FAT4: variants seen among roughly 807,000 people sequenced by gnomAD.
The protein encoded by FAT4 is FAT atypical cadherin 4, also known as protocadherin Fat 4.
A neutral mutation model predicts 303.9 loss-of-function variants in FAT4; 84 were observed. The observed-to-expected ratio is 0.28, with a 90% CI of 0.23 to 0.33. FAT4 has a LOEUF of 0.33. Ranked by LOEUF, FAT4 falls within the 10% of genes least tolerant of loss-of-function variation. FAT4 has a pLI of 1.00. For synonymous variants in FAT4, 2,307 were observed against 2,298.8 expected (o/e 1.00, Z -0.10); for missense variants, 6,005 against 6,146.8 (o/e 0.98, Z 0.77).
rs1442208144 is a variant in FAT4 at position 125,317,823 on chromosome 4, A to G, written c.1412A>G (p.His471Arg). Residue 471 changes from histidine to arginine, a missense_variant, in exon 2 of 18, where the codon CAT (histidine) becomes CGT (arginine). Coordinates refer to ENST00000394329, the MANE Select transcript of FAT4 (RefSeq NM_001291303.3). The surrounding 1 kb of genome is among the most constrained non-coding windows in gnomAD (Gnocchi z 7.0). ...LVIFVNDIND[H>R]PPVFSQQVYR... ...ATTTTTGTTAATGACATCAATGACC[A>G]TCCTCCTGTCTTTTCACAGCAAGTG... The G allele has an allele frequency of 1.2e-6, 2 of 1,614,052 alleles. No individual in the cohort carries two copies. The highest frequency in any genetic ancestry group is 2.7e-5 in the African/African-American group (2 of 74,922).
At chr4:125,362,239 TC>T (rs1404610978) in intron 2 of FAT4, among the ~76,000 whole-genome samples, 2 of 152,144 alleles carry the variant, frequency 1.3e-5, no homozygotes, top group East Asian at 1.9e-4. Flanking sequence ...CATTTTTTTT[TC>T]CTTTCTCAAC....
intron 2 of FAT4, among the ~76,000 whole-genome samples, chr4:125,323,049 C>T: frequency 6.6e-6 from 1 of 152,134 alleles, no homozygotes; most frequent in East Asian, 1.9e-4. Context: ...AATCCTCTCT[C>T]TAACTTTCTT....
At chr4:125,352,780 A>G (rs925697776) in intron 2 of FAT4, among the ~76,000 whole-genome samples, 14 of 151,748 alleles carry the variant, frequency 9.2e-5, no homozygotes, top group African/African-American at 3.4e-4. Flanking sequence ...AAATGAAACT[A>G]GGGCTTTCTT....
At chr4:125,423,665 T>C (rs549405398) in intron 7 of FAT4, among the ~76,000 whole-genome samples, 22 of 152,324 alleles carry the variant, frequency 1.4e-4, no homozygotes, top group Admixed American at 5.2e-4. Context: ...GAATGGTAGC[T>C]CCACTGACAA....
intron 2 of FAT4, among the ~76,000 whole-genome samples, chr4:125,328,568 A>G (rs1578526393): frequency 6.6e-6 from 1 of 152,296 alleles, no homozygotes; most frequent in Non-Finnish European, 1.5e-5. Context: ...GGCAGGTGGG[A>G]GCAAGTGGCA....
rs1250619742 is a variant in FAT4, at chr4:125,315,136, C to A, written c.-854C>A. On this transcript the variant is annotated 5_prime_UTR_variant, in exon 1 of 18. Transcript: ENST00000394329. Reference sequence around the variant, plus strand: ...AAGGGGCGGGGAGAGTGTGAGGGACCAGGCGGGAGGTGGAGAAGGGCTCGC... The same window carrying A: ...AAGGGGCGGGGAGAGTGTGAGGGACAAGGCGGGAGGTGGAGAAGGGCTCGC... Among the ~76,000 whole-genome samples the A allele has an allele frequency of 2.0e-5, 3 of 151,786 alleles. No homozygotes were observed. Among genetic ancestry groups the A allele is most frequent in the Non-Finnish European group, 2.9e-5 (2 of 67,924 alleles).
intron 10 of FAT4, 87 bp downstream of exon 10, chr4:125,452,897 T>A: frequency 6.9e-7 from 1 of 1,443,860 alleles, no homozygotes; most frequent in Non-Finnish European, 9.3e-7. Flanking sequence ...TTCCAATGAT[T>A]TTCATATAAA....
chr4:125,414,312 A>G (rs1256110247), intron 5 of FAT4, among the ~76,000 whole-genome samples: 1 of 152,170 alleles, frequency 6.6e-6, no homozygotes, highest in African/African-American at 2.4e-5. Flanking sequence ...AGTTTTATGT[A>G]TAATTTTACT....
In FAT4 at chr4:125,350,639, C is replaced by G. The variant is rs1231277069; in HGVS notation, c.5175+29053C>G. ...CTATCTATAACAAGCTTTGGAGAAG[C>G]ACCTTTGTCCCCAGAGCTGGCCTCC... is the stretch of plus-strand genomic sequence containing the variant. On this transcript the variant is annotated intron_variant, in intron 2 of 17. Transcript: ENST00000394329. Among the ~76,000 whole-genome samples the G allele has an allele frequency of 3.3e-5, 5 of 151,690 alleles. No homozygotes were observed. The Admixed American group carries it at 3.3e-4, about 10-fold the overall frequency.
chr4:125,392,979 G>T (rs1734029359), intron 2 of FAT4, among the ~76,000 whole-genome samples: 1 of 151,990 alleles, frequency 6.6e-6, no homozygotes, highest in African/African-American at 2.4e-5. Context: ...CCTTAATTTT[G>T]ACTCTCTGTA....
intron 17 of FAT4, 41 bp downstream of exon 17, chr4:125,487,647 T>C: frequency 6.6e-7 from 1 of 1,522,934 alleles, no homozygotes; most frequent in East Asian, 2.3e-5. Flanking sequence ...GGAAGTAAAA[T>C]TGTTCTTCAA....
chr4:125,478,506 T>C (rs1426797973), intron 14 of FAT4, among the ~76,000 whole-genome samples: 1 of 152,082 alleles, frequency 6.6e-6, no homozygotes, highest in African/African-American at 2.4e-5. Context: ...TGTTAGACCT[T>C]ATGTCCAGAA....
In FAT4 at chr4:125,448,604, G is replaced by A. The variant is rs143180806; in HGVS notation, c.7594G>A (p.Gly2532Arg). 4 of 1,613,868 alleles carry A rather than the reference G, an allele frequency of 2.5e-6. No homozygotes were observed. In the East Asian group the frequency reaches 6.7e-5, roughly 27 times the overall value. ...GAIMAAGPLN[G>R]ASEVTFSVHV... is the part of the protein sequence containing the mutation. ...CATTATGGCCGCCGGACCACTAAAC[G>A]GAGCTTCAGAAGTGACATTTTCTGT... The change falls in exon 10 of 18, where the codon GGA becomes AGA. Residue 2532 changes from glycine to arginine, a missense_variant. Gly to Arg is a moderately radical substitution (Grantham distance 125, BLOSUM62 -2). Transcript: ENST00000394329.
Position 125,491,674 on chromosome 4 carries a change from C to T in FAT4, c.14858C>T (p.Ala4953Val), listed in dbSNP as rs1482054989. The T allele has an allele frequency of 6.2e-7, 1 of 1,614,156 alleles. No individual in the cohort carries two copies. Among genetic ancestry groups the T allele is most frequent in the South Asian group, 1.1e-5 (1 of 91,086 alleles). ...GHYVDVFKDL[A>V]SLPEKAAANE... Reference sequence around the variant, plus strand: ...TATGTAGATGTTTTTAAAGATTTGGCATCTCTTCCAGAAAAAGCAGCAGCA... The same window carrying T: ...TATGTAGATGTTTTTAAAGATTTGGTATCTCTTCCAGAAAAAGCAGCAGCA... The change falls in exon 18 of 18, where the codon GCA becomes GTA. Residue 4953 changes from alanine (A) to valine (V), a missense_variant. By Grantham distance (64) the Ala-to-Val change is moderately conservative. Coordinates refer to ENST00000394329, the MANE Select transcript of FAT4 (RefSeq NM_001291303.3).
intron 2 of FAT4, among the ~76,000 whole-genome samples, chr4:125,337,038 G>T (rs1043029446): frequency 6.6e-6 from 1 of 151,892 alleles, no homozygotes; most frequent in Non-Finnish European, 1.5e-5. Flanking sequence ...GTGGTAGAGC[G>T]CCATTTGAGT....
At chr4:125,411,263 C>A (rs894285510) in intron 5 of FAT4, among the ~76,000 whole-genome samples, 3 of 151,902 alleles carry the variant, frequency 2.0e-5, no homozygotes, top group African/African-American at 7.2e-5. Context: ...TAAATCAGAT[C>A]TTTTACTGTT....
At chr4:125,433,859 A>G (rs893682029) in intron 7 of FAT4, among the ~76,000 whole-genome samples, 8 of 152,188 alleles carry the variant, frequency 5.3e-5, no homozygotes, top group African/African-American at 1.7e-4. Flanking sequence ...TTAGTTGGCC[A>G]GCTCTTCCAT....
intron 2 of FAT4, among the ~76,000 whole-genome samples, chr4:125,346,884 G>A (rs909567968): frequency 6.6e-6 from 1 of 151,990 alleles, no homozygotes; most frequent in African/African-American, 2.4e-5. Flanking sequence ...CTGTGAATAG[G>A]AACAGTAGCC....
chr4:125,451,083 A>G lies in FAT4; in HGVS notation c.10073A>G (p.Tyr3358Cys), dbSNP rs2126060357. 3.7e-6 allele frequency: 6 copies of G among 1,614,066 alleles called. No homozygotes were observed. The East Asian group carries it at 1.3e-4, about 36-fold the overall frequency. The change falls in exon 10 of 18, where the codon TAT becomes TGT. Residue 3358 changes from tyrosine (Y) to cysteine (C), a missense_variant. Coordinates refer to ENST00000394329, the MANE Select transcript of FAT4 (RefSeq NM_001291303.3). ...FQINKKTGQIYVSGILDREKE... is the reference protein window; with the variant it reads ...FQINKKTGQICVSGILDREKE... The stretch of plus-strand genomic sequence containing the variant: ...ATCAATAAGAAGACTGGACAGATTT[A>G]TGTTTCTGGAATTCTTGATCGAGAA...
Sources: gnomAD v4.1 joint callset for allele counts (sites outside exome capture counted in the v4.1 genomes callset) on GRCh38, gnomAD v4.1.1 for gene constraint, Gnocchi (gnomAD v3.1) non-coding constraint, MANE v1.5 for transcripts, NCBI Gene and HGNC (gene_info 2026-07-23, HGNC 2026-07-21) for gene names.